PCNX2: variants seen among roughly 807,000 people sequenced by gnomAD.
PCNX2 encodes the protein pecanex-like protein 2.
A neutral mutation model predicts 223.8 loss-of-function variants in PCNX2; 168 were observed. The ratio of observed to expected loss-of-function variants is 0.75; its 90% CI spans 0.66 to 0.85. The LOEUF is 0.85. Among genes scored for constraint, PCNX2 ranks in the 40% least tolerant of loss-of-function variants. PCNX2 has a pLI of 0.00. For synonymous variants in PCNX2, 1,006 were observed against 1,052.6 expected, an observed-to-expected ratio of 0.96 and a Z score of 0.86; for missense variants, 2,507 against 2,675.5, an observed-to-expected ratio of 0.94 and a Z score of 1.39.
Position 233,216,760 on chromosome 1 carries a change from G to A in PCNX2, c.2691+1139C>T, listed in dbSNP as rs1417655291. The stretch of plus-strand genomic sequence containing the variant: ...GTCCAAAAGATATACGCATCACCAT[G>A]TTCATTGCAACACTGTTCACAATAG... On this transcript the variant is annotated intron_variant, in intron 12 of 33. Coordinates refer to ENST00000258229, the MANE Select transcript of PCNX2 (RefSeq NM_014801.4). Among the ~76,000 whole-genome samples, 4 of 152,090 alleles carry A rather than the reference G, an allele frequency of 2.6e-5. No homozygotes were observed. In the East Asian group the frequency reaches 7.7e-4, roughly 29 times the overall value.
chr1:233,327,086 C>A, the PCNX2 span, among the ~76,000 whole-genome samples: 6 of 152,132 alleles, frequency 3.9e-5, no homozygotes, highest in Admixed American at 2.6e-4. Flanking sequence ...CACCGCGCTA[C>A]AATTTCTTCT....
intron 13 of PCNX2, among the ~76,000 whole-genome samples, chr1:233,203,499 A>G (rs1215214491): frequency 6.6e-6 from 1 of 152,210 alleles, no homozygotes; most frequent in African/African-American, 2.4e-5. Context: ...AGGGATCATA[A>G]AAGAAAAAGA....
intron 21 of PCNX2, among the ~76,000 whole-genome samples, chr1:233,101,695 A>T (rs1479595107): frequency 6.6e-6 from 1 of 152,256 alleles, no homozygotes; most frequent in Non-Finnish European, 1.5e-5. Flanking sequence ...AGTCAGAAGC[A>T]AAGAGGTAAT....
At chr1:233,109,604 G>A (rs1178583501) in intron 21 of PCNX2, among the ~76,000 whole-genome samples, 1 of 152,208 alleles carries the variant, frequency 6.6e-6, no homozygotes. Flanking sequence ...CATGAAGACA[G>A]GTCAGCAGCA....
chr1:233,066,906 C>A (rs563265004), intron 23 of PCNX2, among the ~76,000 whole-genome samples: 33 of 152,110 alleles, frequency 2.2e-4, no homozygotes, highest in Non-Finnish European at 3.5e-4. Flanking sequence ...TGAGGTACCA[C>A]TATCCCTCCC....
intron 1 of PCNX2, among the ~76,000 whole-genome samples, chr1:233,281,403 A>G (rs557646706): frequency 6.6e-6 from 1 of 152,312 alleles, no homozygotes; most frequent in East Asian, 1.9e-4. Flanking sequence ...AGTAAATCCA[A>G]TCTAAATGTT....
chr1:233,054,504 T>C, intron 24 of PCNX2, 21 bp from the exon 25 acceptor site: 2 of 1,581,170 alleles, frequency 1.3e-6, no homozygotes, highest in Non-Finnish European at 1.7e-6. Flanking sequence ...ACAAGAAATA[T>C]GATCAGTGAA....
intron 23 of PCNX2, among the ~76,000 whole-genome samples, chr1:233,078,810 C>G (rs1673215545): frequency 6.6e-6 from 1 of 152,214 alleles, no homozygotes; most frequent in Non-Finnish European, 1.5e-5. Flanking sequence ...AAGCTCAAAG[C>G]AATGCTGTTT....
Position 233,160,390 on chromosome 1 carries a change from C to T in PCNX2, c.3410G>A (p.Gly1137Glu). The T allele has an allele frequency of 6.2e-7, 1 of 1,613,684 alleles. No individual in the cohort carries two copies. The highest frequency in any genetic ancestry group is 8.5e-7 in the Non-Finnish European group (1 of 1,179,670). ...IVLFALAGAV[G>E]FVTHYVLPQL... ...AGGGAGCACGTAATGTGTTACAAAC[C>T]CCACGGCTCCAGCCAAGGCAAACAG... The change falls in exon 19 of 34, where the codon GGG becomes GAG. Residue 1137 changes from glycine to glutamate, a missense_variant. Transcript: ENST00000258229.
At position 233,095,861 on chromosome 1, in the gene PCNX2, G is replaced by C. The variant is rs746899040; in HGVS notation, c.3840C>G (p.Leu1280=). 2 of 1,603,118 alleles carry C rather than the reference G, an allele frequency of 1.2e-6. No homozygotes were observed. Among genetic ancestry groups the C allele is most frequent in the African/African-American group, 1.3e-5 (1 of 74,530 alleles). Residue 1280 remains leucine, a splice_region_variant and synonymous_variant, in exon 22 of 34, where the codon CTC becomes CTG. Transcript: ENST00000258229. ...FFMVSILFSK[L]GDLLHKLQFV... is the part of the protein sequence containing the mutation. ...ACTGTAACTTGTGAAGCAGGTCCCC[G>C]AGCTGAAAGTAAAAGAAAAAAAATT...
At chr1:233,267,922 T>G (rs192409004) in intron 1 of PCNX2, among the ~76,000 whole-genome samples, 9 of 149,276 alleles carry the variant, frequency 6.0e-5, no homozygotes, top group Admixed American at 2.0e-4. Flanking sequence ...CGATGTTTAG[T>G]TTTTTTTTTA....
intron 30 of PCNX2, 156 bp from the exon 31 acceptor site, chr1:232,999,535 C>A: frequency 1.3e-6 from 1 of 782,332 alleles, no homozygotes; most frequent in Non-Finnish European, 1.9e-6. Flanking sequence ...CTCACTGCAA[C>A]CTCCGCCTCC....
intron 26 of PCNX2, chr1:233,019,003 C>T: frequency 1.0e-6 from 1 of 985,444 alleles, no homozygotes; most frequent in Non-Finnish European, 1.2e-6. Context: ...CCCCACCCTC[C>T]CTCTCTGGCT....
intron 19 of PCNX2, among the ~76,000 whole-genome samples, chr1:233,151,356 GAACT>G (rs1369106358): frequency 6.6e-6 from 1 of 152,202 alleles, no homozygotes; most frequent in African/African-American, 2.4e-5. Flanking sequence ...CTGCAGCTGA[GAACT>G]AACATCATTC....
the PCNX2 span, among the ~76,000 whole-genome samples, chr1:233,313,869 A>G: frequency 6.6e-6 from 1 of 152,216 alleles, no homozygotes. Context: ...CAGACTGGGA[A>G]AAGACAAGTT....
At chr1:233,268,589 T>C (rs773833487) in intron 1 of PCNX2, among the ~76,000 whole-genome samples, 31 of 152,198 alleles carry the variant, frequency 2.0e-4, no homozygotes, top group Non-Finnish European at 2.9e-4. Flanking sequence ...TGCTGCAGCG[T>C]TGATGAGCTC....
chr1:233,258,918 C>T lies in PCNX2; in HGVS notation c.944G>A (p.Cys315Tyr). The T allele has an allele frequency of 6.2e-7, 1 of 1,613,914 alleles. No homozygotes were observed. The highest frequency in any genetic ancestry group is 8.5e-7 in the Non-Finnish European group (1 of 1,179,882). ...QDSLSSSCPQ[C>Y]DTIVAKPVEE... ...CACAGGCTTGGCCACGATGGTGTCA[C>T]ATTGAGGGCAGCTGCTGCTCAGGCT... The change falls in exon 5 of 34, where the codon TGT becomes TAT. Residue 315 changes from cysteine (C) to tyrosine (Y), a missense_variant. Physicochemically the swap from Cys to Tyr is radical, Grantham distance 194. Around this residue, in one of 3 missense-constraint regions of PCNX2, gnomAD observed 1,031 missense variants for 1,021.7 expected, o/e 1.01. Transcript: ENST00000258229.
chr1:233,110,826 A>G (rs925450013), intron 21 of PCNX2, among the ~76,000 whole-genome samples: 6 of 150,144 alleles, frequency 4.0e-5, no homozygotes, highest in African/African-American at 1.5e-4. Flanking sequence ...TAAATTTAAT[A>G]TATATTTAAA....
upstream of PCNX2, among the ~76,000 whole-genome samples, chr1:233,299,098 T>C (rs1662218990): frequency 6.6e-6 from 1 of 152,142 alleles, no homozygotes; most frequent in Non-Finnish European, 1.5e-5. Flanking sequence ...ACTCTCTGTC[T>C]TCTCTCTTAC....
Sources: gnomAD v4.1 joint callset for allele counts (sites outside exome capture counted in the v4.1 genomes callset) on GRCh38, gnomAD v4.1.1 for gene constraint, gnomAD v4.1.1 regional missense constraint, MANE v1.5 for transcripts, NCBI Gene and HGNC (gene_info 2026-07-23, HGNC 2026-07-21) for gene names.